Variants in PKD1 observed in about 807,000 individuals in gnomAD.
PKD1 encodes the protein polycystin 1, transient receptor potential channel interacting.
A neutral mutation model predicts 361.7 loss-of-function variants in PKD1; 81 were observed. The observed-to-expected ratio is 0.22, with a 90% CI of 0.19 to 0.27. The LOEUF (loss-of-function observed/expected upper bound fraction) is 0.27, where lower values mean the gene tolerates loss of function less well. PKD1 is among the 10% of genes least tolerant of loss of function. The pLI, the probability that PKD1 is intolerant of heterozygous loss-of-function variation, is 1.00. For synonymous variants in PKD1, 3,615 were observed against 2,818.3 expected, an observed-to-expected ratio of 1.28 and a Z score of -8.95; for missense variants, 6,399 against 6,118.3, an observed-to-expected ratio of 1.05 and a Z score of -1.53.
At position 2,114,598 on chromosome 16, in the gene PKD1, G is replaced by A. The variant is rs372167915; in HGVS notation, c.2425C>T (p.His809Tyr). Residue 809 changes from histidine to tyrosine, a missense_variant, in exon 11 of 46, where the codon CAC becomes TAC. Physicochemically the swap from His to Tyr is moderately conservative, Grantham distance 83 (BLOSUM62 2). Transcript: ENST00000262304. ...RAEVGNGVSRHNLSCSFDVVS... is the reference protein window; with the variant it reads ...RAEVGNGVSRYNLSCSFDVVS... ...ACGTCAAAGCTGCAGGAGAGGTTGT[G>A]CCTGGACACGCCATTGCCCACCTCT... 8.2e-6 allele frequency: 13 copies of A among 1,588,622 alleles called. No individual in the cohort carries two copies. In the East Asian group the frequency reaches 1.1e-4, roughly 14 times the overall value.
At position 2,116,466 on chromosome 16, in the gene PKD1, G is replaced by A. The variant is rs1038628851; in HGVS notation, c.1722+63C>T. On this transcript the variant is annotated intron_variant, in intron 8 of 45. Coordinates refer to ENST00000262304, the MANE Select transcript of PKD1 (RefSeq NM_001009944.3). Reference sequence around the variant, plus strand: ...TTTTTGGCGAGACCCACAGTGGGCAGGGCAGGCAAGGCCTCCAGGGGCAGG... The same window carrying A: ...TTTTTGGCGAGACCCACAGTGGGCAAGGCAGGCAAGGCCTCCAGGGGCAGG... The A allele has an allele frequency of 1.0e-4, 94 of 907,160 alleles. No homozygotes were observed. In the East Asian group the frequency reaches 1.1e-3, roughly 11 times the overall value. The allele number at this position is 907,160 out of a possible 1,614,324, so 56.2% of individuals were successfully genotyped here.
chr16:2,117,432 C>T lies in PKD1; in HGVS notation c.1385+57G>A. 6.2e-6 allele frequency: 8 copies of T among 1,290,954 alleles called. No homozygotes were observed. The South Asian group carries it at 8.3e-5, about 13-fold the overall frequency. 80.0% of individuals were successfully genotyped at this position (1,290,954 alleles called of 1,614,324 possible). ...TGAGACTCCCCAGCCGCAGGCTCTGCCCCAGTGCTTCAGAGATCTCCCAAC... is the reference window on the plus strand; with the variant it reads ...TGAGACTCCCCAGCCGCAGGCTCTGTCCCAGTGCTTCAGAGATCTCCCAAC... On this transcript the variant is annotated intron_variant, in intron 6 of 45. Transcript: ENST00000262304.
At chr16:2,117,402 C>G in intron 6 of PKD1, 87 bp downstream of exon 6, 2 of 1,062,660 alleles carry the variant, frequency 1.9e-6, no homozygotes, top group Non-Finnish European at 1.4e-6. Flanking sequence ...CCACCTCCTT[C>G]CTCCTGAGAC....
intron 1 of PKD1, among the ~76,000 whole-genome samples, chr16:2,122,025 A>C (rs1427476258): frequency 6.6e-6 from 1 of 152,226 alleles, no homozygotes; most frequent in Non-Finnish European, 1.5e-5. Context: ...TACCCGGCGC[A>C]GGAGAGACGC....
In PKD1 at chr16:2,093,100, G is replaced by A. The variant is rs763424559; in HGVS notation, c.11017-7C>T. On this transcript the variant is annotated splice_region_variant and splice_polypyrimidine_tract_variant and intron_variant, in intron 37 of 45. Coordinates refer to ENST00000262304, the MANE Select transcript of PKD1 (RefSeq NM_001009944.3). ...GCATGTACACCAGGAGGCTCTGGTGGACGGGGGGGCCCTGTGGTCAGCCTG... is the reference window on the plus strand; with the variant it reads ...GCATGTACACCAGGAGGCTCTGGTGAACGGGGGGGCCCTGTGGTCAGCCTG... 5.0e-6 allele frequency: 8 copies of A among 1,612,130 alleles called. No individual in the cohort carries two copies. Among genetic ancestry groups the A allele is most frequent in the Middle Eastern group, 1.7e-4 (1 of 5,764 alleles).
In PKD1 at chr16:2,103,666, G is replaced by A. The variant is rs753895513; in HGVS notation, c.8391C>T (p.Gly2797=). 1.0e-4 allele frequency: 162 copies of A among 1,610,150 alleles called. No homozygotes were observed. Among genetic ancestry groups the A allele is most frequent in the South Asian group, 3.6e-4 (33 of 90,988 alleles). The part of the protein sequence containing the change: ...RSDPRSLLCY[G]GAPGPGCHFS... ...AGTGGCAGCCAGGCCCTGGGGCGCC[G>A]CCATAGCACAGCAGGCTCCGCGGGT... The change falls in exon 23 of 46, where the codon GGC becomes GGT. Residue 2797 remains glycine (G), a synonymous_variant. Transcript: ENST00000262304.
chr16:2,108,339 C>G lies in PKD1; in HGVS notation c.6828G>C (p.Leu2276=), dbSNP rs1310118231. The change falls in exon 15 of 46, where the codon CTG becomes CTC. Residue 2276 remains leucine (L), a synonymous_variant. Coordinates refer to ENST00000262304, the MANE Select transcript of PKD1 (RefSeq NM_001009944.3). The part of the protein sequence containing the change: ...RVWSDTRDLV[L]DGSESYDPNL... The stretch of plus-strand genomic sequence containing the variant: ...TGGGGTCGTAGGACTCGCTCCCATC[C>G]AGCACCAGGTCCCGTGTGTCTGACC... The G allele has an allele frequency of 3.7e-6, 6 of 1,608,044 alleles. No homozygotes were observed. The highest frequency in any genetic ancestry group is 3.4e-6 in the Non-Finnish European group (4 of 1,177,760).
At chr16:2,126,463 C>T (rs949459036) in intron 1 of PKD1, among the ~76,000 whole-genome samples, 8 of 152,290 alleles carry the variant, frequency 5.3e-5, no homozygotes, top group Non-Finnish European at 1.0e-4. Flanking sequence ...TGTAGCCCTT[C>T]TCCTGCCACC....
At position 2,109,204 on chromosome 16, in the gene PKD1, G is replaced by A. The variant is rs779064240; in HGVS notation, c.5963C>T (p.Thr1988Ile). The change falls in exon 15 of 46, where the codon ACT (threonine) becomes ATT (isoleucine). Residue 1988 changes from threonine (T) to isoleucine (I), a missense_variant. Physicochemically the swap from Thr to Ile is moderately conservative, Grantham distance 89 (BLOSUM62 -1). Coordinates refer to ENST00000262304, the MANE Select transcript of PKD1 (RefSeq NM_001009944.3). ...CACGCGGGCTGTGAAGTTCCTCTCA[G>A]TGCCCGTGGCGATGCCAGGCTCGCA... is the stretch of plus-strand genomic sequence containing the variant. Reference protein sequence around the residue: ...NCCEPGIATGTERNFTARVQR... With the variant: ...NCCEPGIATGIERNFTARVQR... The A allele has an allele frequency of 2.8e-5, 44 of 1,596,316 alleles. No individual in the cohort carries two copies. Among genetic ancestry groups the A allele is most frequent in the Non-Finnish European group, 3.7e-5 (43 of 1,170,420 alleles).
Position 2,108,728 on chromosome 16 carries a change from G to A in PKD1, c.6439C>T (p.Arg2147Trp), listed in dbSNP as rs140880305. Residue 2147 changes from arginine (R) to tryptophan (W), a missense_variant, in exon 15 of 46, where the codon CGG becomes TGG. Transcript: ENST00000262304. ...AGGACCACGTCCACCTCCGGCTCCCGGCAGGCCAGCACCTGGACGGTCACC... is the reference window on the plus strand; with the variant it reads ...AGGACCACGTCCACCTCCGGCTCCCAGCAGGCCAGCACCTGGACGGTCACC... ...ATVTVQVLAC[R>W]EPEVDVVLPL... The A allele has an allele frequency of 1.5e-4, 242 of 1,571,840 alleles. No individual in the cohort carries two copies. Among genetic ancestry groups the A allele is most frequent in the South Asian group, 1.0e-3 (88 of 86,320 alleles).
Position 2,103,558 on chromosome 16 carries a change from G to A in PKD1, c.8499C>T (p.Pro2833=), listed in dbSNP as rs778864608. Residue 2833 remains proline, a synonymous_variant, in exon 23 of 46, where the codon CCC becomes CCT. Coordinates refer to ENST00000262304, the MANE Select transcript of PKD1 (RefSeq NM_001009944.3). ...VQLIFLVDSN[P]FPFGYISNYT... The stretch of plus-strand genomic sequence containing the variant: ...AGTTGCTGATATAGCCAAAGGGAAA[G>A]GGATTGGAGTCCACCAGAAAGATGA... The A allele has an allele frequency of 1.7e-5, 28 of 1,609,806 alleles. No homozygotes were observed. The highest frequency in any genetic ancestry group is 2.7e-5 in the African/African-American group (2 of 74,858).
intron 21 of PKD1, 144 bp from the exon 22 acceptor site, chr16:2,104,786 C>T (rs2092270425): frequency 1.3e-6 from 1 of 790,310 alleles, no homozygotes; most frequent in Non-Finnish European, 2.1e-6. Context: ...AGCCTCCTCA[C>T]TAAGCATTTT....
In PKD1 at chr16:2,111,342, A is replaced by G; in HGVS notation, c.3825T>C (p.Gly1275=). 6.2e-7 allele frequency: 1 copy of G among 1,609,110 alleles called. No individual in the cohort carries two copies. Among genetic ancestry groups the G allele is most frequent in the Non-Finnish European group, 8.5e-7 (1 of 1,178,986 alleles). The change falls in exon 15 of 46, where the codon GGT becomes GGC. Residue 1275 remains glycine (G), a synonymous_variant. Transcript: ENST00000262304. Reference sequence around the variant, plus strand: ...CCAGGTGGCCGGCGGGGCTGGCCGCACCCACGGTCACTGTGCAGTTCTGTG... The same window carrying G: ...CCAGGTGGCCGGCGGGGCTGGCCGCGCCCACGGTCACTGTGCAGTTCTGTG... ...LRAQNCTVTV[G]AASPAGHLAR... is the part of the protein sequence containing the mutation.
chr16:2,114,536 A>G lies in PKD1; in HGVS notation c.2487T>C (p.Pro829=), dbSNP rs769009101. Reference sequence around the variant, plus strand: ...CGTAGAGGCGGCCGTCGCGGGGGGCAGGGTAGATGACCCGCAGCCCAGCCA... The same window carrying G: ...CGTAGAGGCGGCCGTCGCGGGGGGCGGGGTAGATGACCCGCAGCCCAGCCA... The part of the protein sequence containing the change: ...SPVAGLRVIY[P]APRDGRLYVP... Residue 829 remains proline, a synonymous_variant, in exon 11 of 46, where the codon CCT becomes CCC. Transcript: ENST00000262304. 19 of 1,594,244 alleles carry G rather than the reference A, an allele frequency of 1.2e-5. No individual in the cohort carries two copies. The Middle Eastern group carries it at 9.0e-4, about 76-fold the overall frequency.
rs532810989 is a variant in PKD1 at position 2,104,482 on chromosome 16, G to C, written c.8161+16C>G. On this transcript the variant is annotated intron_variant, in intron 22 of 45. Transcript: ENST00000262304. The stretch of plus-strand genomic sequence containing the variant: ...GCACGGGGCGGGCGGGTGGCATGGG[G>C]CACGGGCCGCGGCACCTGTGATGTT... The C allele has an allele frequency of 1.9e-5, 28 of 1,499,794 alleles. 1 individual carries two copies. The African/African-American group carries it at 2.2e-4, about 12-fold the overall frequency. 92.9% of individuals were successfully genotyped at this position (1,499,794 alleles called of 1,614,324 possible). A position where few individuals can be genotyped will look rare whatever the true frequency, so the allele number is the denominator to read the frequency against.
In PKD1 at chr16:2,105,818, A is replaced by C. The variant is rs28610092; in HGVS notation, c.7863+47T>G. On this transcript the variant is annotated intron_variant, in intron 20 of 45. Coordinates refer to ENST00000262304, the MANE Select transcript of PKD1 (RefSeq NM_001009944.3). ...AGGCAGGGGTACAGGTCTTGGTCCC[A>C]AGCACGCATGCAGCAGATGTGACGT... 0.17 allele frequency: 273,102 copies of C among 1,570,488 alleles called. 28,829 individuals carry two copies. The highest frequency in any genetic ancestry group is 0.48 in the African/African-American group (35,690 of 74,138).
rs767627605 is a variant in PKD1 at position 2,092,458 on chromosome 16, G to C, written c.11269+22C>G. On this transcript the variant is annotated intron_variant, in intron 39 of 45. Coordinates refer to ENST00000262304, the MANE Select transcript of PKD1 (RefSeq NM_001009944.3). ...CAACAAGAGGAACGATTTAAGTCTT[G>C]GGGCACGCCCTGCCAGCTCACCTTC... is the stretch of plus-strand genomic sequence containing the variant. The C allele has an allele frequency of 3.4e-6, 5 of 1,491,960 alleles. No homozygotes were observed. In the African/African-American group the frequency reaches 5.5e-5, roughly 16 times the overall value. The allele number at this position is 1,491,960 out of a possible 1,614,324, so 92.4% of individuals were successfully genotyped here. A position where few individuals can be genotyped will look rare whatever the true frequency, so the allele number is the denominator to read the frequency against.
At chr16:2,092,653 G>A (rs1043480877) in intron 38 of PKD1, 61 bp from the exon 39 acceptor site, 21 of 1,187,550 alleles carry the variant, frequency 1.8e-5, no homozygotes, top group Admixed American at 5.8e-5. Flanking sequence ...TCGAGTGAGC[G>A]GCCACCAGAG....
At position 2,109,511 on chromosome 16, in the gene PKD1, G is replaced by T; in HGVS notation, c.5656C>A (p.Pro1886Thr). The T allele has an allele frequency of 6.2e-7, 1 of 1,610,120 alleles. No homozygotes were observed. Among genetic ancestry groups the T allele is most frequent in the Non-Finnish European group, 8.5e-7 (1 of 1,179,246 alleles). The change falls in exon 15 of 46, where the codon CCC (proline) becomes ACC (threonine). Residue 1886 changes from proline (P) to threonine (T), a missense_variant. Coordinates refer to ENST00000262304, the MANE Select transcript of PKD1 (RefSeq NM_001009944.3). ...GCCCACAGCACCAGGCCCACGATGG[G>T]CTCCTCCGCCGTGAGGTTGTACGTG... is the stretch of plus-strand genomic sequence containing the variant. ...SATYNLTAEE[P>T]IVGLVLWASS...
Sources: gnomAD v4.1 joint callset for allele counts (sites outside exome capture counted in the v4.1 genomes callset) on GRCh38, gnomAD v4.1.1 for gene constraint, MANE v1.5 for transcripts, NCBI Gene and HGNC (gene_info 2026-07-23, HGNC 2026-07-21) for gene names.